The following NTRK3 variants were observed in gnomAD, a reference collection of about 807,000 sequenced individuals.
NTRK3 encodes the protein neurotrophic receptor tyrosine kinase 3, also known as NT-3 growth factor receptor.
NTRK3 carries 24 observed loss-of-function variants against 91.7 expected under a neutral mutation model. The ratio of observed to expected loss-of-function variants is 0.26; its 90% CI spans 0.19 to 0.37. NTRK3 has a LOEUF of 0.37. NTRK3 is among the 10% of genes least tolerant of loss of function. The pLI is 1.00. For synonymous variants in NTRK3, 483 were observed against 404.0 expected, an observed-to-expected ratio of 1.20 and a Z score of -2.34; for missense variants, 880 against 1,068.9, an observed-to-expected ratio of 0.82 and a Z score of 2.46.
chr15:88,043,295 C>T (rs772102115), intron 13 of NTRK3, among the ~76,000 whole-genome samples: 1 of 152,170 alleles, frequency 6.6e-6, no homozygotes, highest in Non-Finnish European at 1.5e-5. Context: ...TATAAGGTGA[C>T]TGGAATACAA....
chr15:87,965,813 C>T (rs1265584191), intron 14 of NTRK3, among the ~76,000 whole-genome samples: 1 of 152,156 alleles, frequency 6.6e-6, no homozygotes, highest in Non-Finnish European at 1.5e-5. Context: ...CAAGGTGGCT[C>T]ATGTGTGTAA....
intron 13 of NTRK3, among the ~76,000 whole-genome samples, chr15:88,033,284 A>AT (rs531733236): frequency 8.8e-4 from 122 of 138,742 alleles, no homozygotes; most frequent in African/African-American, 3.1e-3. Context: ...ATGGCTTACA[A>AT]TTTTTTTTCC....
At chr15:88,013,400 A>G (rs959183290) in intron 14 of NTRK3, among the ~76,000 whole-genome samples, 5 of 152,376 alleles carry the variant, frequency 3.3e-5, no homozygotes, top group African/African-American at 1.2e-4. Context: ...ATGCCTGAGG[A>G]TAAGAAGCCA....
intron 3 of NTRK3, among the ~76,000 whole-genome samples, chr15:88,213,822 G>C (rs1157192734): frequency 6.6e-6 from 1 of 152,186 alleles, no homozygotes; most frequent in African/African-American, 2.4e-5. Context: ...GCTCACACCT[G>C]TAATCCCAGC....
At position 88,255,895 on chromosome 15, in the gene NTRK3, G is replaced by A. The variant is rs372785765; in HGVS notation, c.248+11C>T. 2.3e-5 allele frequency: 37 copies of A among 1,598,890 alleles called. No homozygotes were observed. Among genetic ancestry groups the A allele is most frequent in the Non-Finnish European group, 3.2e-5 (37 of 1,169,756 alleles). ...GGGGGAGGCAGGCTGGGGAGCGGCCGCCTGACTTACATGGAAGTGATATTC... is the reference window on the plus strand; with the variant it reads ...GGGGGAGGCAGGCTGGGGAGCGGCCACCTGACTTACATGGAAGTGATATTC... On this transcript the variant is annotated intron_variant, in intron 3 of 18. Transcript: ENST00000394480. The surrounding 1 kb of genome is among the most constrained non-coding windows in gnomAD (Gnocchi z 4.3).
chr15:88,071,274 G>A (rs1400685166), intron 13 of NTRK3, among the ~76,000 whole-genome samples: 1 of 152,222 alleles, frequency 6.6e-6, no homozygotes, highest in South Asian at 2.1e-4. Context: ...TGACTCTGCA[G>A]GGAGCAGCCT....
chr15:88,142,980 C>T (rs2042535161), intron 6 of NTRK3, among the ~76,000 whole-genome samples: 1 of 151,682 alleles, frequency 6.6e-6, no homozygotes, highest in Non-Finnish European at 1.5e-5. Context: ...TTTGGGGGGC[C>T]AAGGCGGGCA....
chr15:87,969,162 C>T (rs1333871198), intron 14 of NTRK3, among the ~76,000 whole-genome samples: 1 of 152,096 alleles, frequency 6.6e-6, no homozygotes. Context: ...ATTCACCTTC[C>T]CAGATTGACA....
At chr15:88,085,789 C>T (rs1391655125) in intron 13 of NTRK3, among the ~76,000 whole-genome samples, 2 of 152,206 alleles carry the variant, frequency 1.3e-5, no homozygotes, top group Admixed American at 1.3e-4. Flanking sequence ...TGATGACAGT[C>T]AAATCTCCTC....
intron 10 of NTRK3, among the ~76,000 whole-genome samples, chr15:88,132,557 A>G (rs1306609605): frequency 1.3e-5 from 2 of 152,210 alleles, no homozygotes; most frequent in Non-Finnish European, 2.9e-5. Context: ...GCCTGCTCTT[A>G]GCCTCCATGC....
At chr15:88,081,894 G>T (rs1187141674) in intron 13 of NTRK3, among the ~76,000 whole-genome samples, 2 of 152,130 alleles carry the variant, frequency 1.3e-5, no homozygotes, top group Non-Finnish European at 2.9e-5. Context: ...ACTCTGCTGT[G>T]GCCCTCTGTG....
At chr15:87,860,723 T>G (rs2141368124) in exon 19 of NTRK3, 1 of 209,688 alleles carries the variant, frequency 4.8e-6, no homozygotes, top group African/African-American at 2.3e-5. Context: ...CCTCAGTCAC[T>G]TATGTTAAGT....
At chr15:88,061,003 GA>G (rs1165521737) in intron 13 of NTRK3, among the ~76,000 whole-genome samples, 7 of 150,228 alleles carry the variant, frequency 4.7e-5, no homozygotes, top group East Asian at 3.9e-4. Context: ...TCTTCACTAA[GA>G]AAAAAAAGTT....
chr15:88,061,832 AC>A (rs1018486541), intron 13 of NTRK3, among the ~76,000 whole-genome samples: 6 of 152,046 alleles, frequency 3.9e-5, no homozygotes, highest in Admixed American at 1.3e-4. Flanking sequence ...TGGGCTTGGG[AC>A]TCAGCTCTGC....
intron 13 of NTRK3, among the ~76,000 whole-genome samples, chr15:88,061,216 A>G (rs758716813): frequency 6.6e-6 from 1 of 152,248 alleles, no homozygotes; most frequent in Non-Finnish European, 1.5e-5. Flanking sequence ...GATGCTTTTA[A>G]TAAAGGTAAA....
At chr15:88,058,416 G>C (rs1461123906) in intron 13 of NTRK3, among the ~76,000 whole-genome samples, 1 of 152,184 alleles carries the variant, frequency 6.6e-6, no homozygotes, top group African/African-American at 2.4e-5. Flanking sequence ...GTATTTATTA[G>C]GTTGTTATCA....
intron 13 of NTRK3, among the ~76,000 whole-genome samples, chr15:88,064,668 T>A (rs1313695424): frequency 1.3e-5 from 2 of 152,136 alleles, no homozygotes; most frequent in Non-Finnish European, 2.9e-5. Context: ...TCCACTGCAG[T>A]CCAGAGCGAG....
At position 88,147,420 on chromosome 15, in the gene NTRK3, T is replaced by C. The variant is rs2042984063; in HGVS notation, c.396-17A>G. The C allele has an allele frequency of 1.2e-6, 2 of 1,611,744 alleles. No individual in the cohort carries two copies. The highest frequency in any genetic ancestry group is 1.1e-5 in the South Asian group (1 of 91,020). ...GACAGGTTTCTGCAAGATTGACAAA[T>C]AAAGGGAAATTTTAAAACAAGTCTG... On this transcript the variant is annotated splice_polypyrimidine_tract_variant and intron_variant, in intron 5 of 18. Coordinates refer to ENST00000394480, the Ensembl canonical transcript of NTRK3.
intron 3 of NTRK3, among the ~76,000 whole-genome samples, chr15:88,246,220 A>T (rs902061326): frequency 2.6e-5 from 4 of 152,212 alleles, no homozygotes; most frequent in African/African-American, 9.7e-5. Flanking sequence ...CGAGCCAACG[A>T]TACTCTCAGA....
Sources: allele counts gnomAD v4.1 joint callset (sites outside exome capture counted in the v4.1 genomes callset), GRCh38; gene constraint gnomAD v4.1.1; non-coding constraint Gnocchi (gnomAD v3.1); transcripts MANE v1.5; gene names NCBI Gene and HGNC (gene_info 2026-07-23, HGNC 2026-07-21).